Variants in MAN2A1 observed in about 807,000 individuals in gnomAD.
MAN2A1 encodes the protein alpha-mannosidase 2.
MAN2A1 carries 76 observed loss-of-function variants against 142.6 expected under a neutral mutation model. The ratio of observed to expected loss-of-function variants is 0.53; its 90% CI spans 0.44 to 0.65. MAN2A1 has a LOEUF of 0.65. MAN2A1 is among the 30% of genes least tolerant of loss of function. The pLI, the probability that MAN2A1 is intolerant of heterozygous loss-of-function variation, is 0.00. For missense variants in MAN2A1, 1,311 were observed against 1,365.1 expected (o/e 0.96, Z 0.62); for synonymous variants, 559 against 473.2 (o/e 1.18, Z -2.35).
At position 109,690,336 on chromosome 5, in the gene MAN2A1, C is replaced by T. The variant is rs1750628157; in HGVS notation, c.-82C>T. On this transcript the variant is annotated 5_prime_UTR_variant, in exon 1 of 22. Transcript: ENST00000261483. ...CGCGCAGCCCGGGAGAAGGGAGCCTCCGGCGGCTGCTTCCTAGAGTCCACA... is the reference window on the plus strand; with the variant it reads ...CGCGCAGCCCGGGAGAAGGGAGCCTTCGGCGGCTGCTTCCTAGAGTCCACA... The T allele has an allele frequency of 1.5e-5, 22 of 1,496,866 alleles. No individual in the cohort carries two copies. The highest frequency in any genetic ancestry group is 2.0e-5 in the Non-Finnish European group (22 of 1,077,000). The allele number at this position is 1,496,866 out of a possible 1,614,324, so 92.7% of individuals were successfully genotyped here.
chr5:109,715,719 C>G (rs1751434512), intron 2 of MAN2A1, among the ~76,000 whole-genome samples: 1 of 151,942 alleles, frequency 6.6e-6, no homozygotes, highest in African/African-American at 2.4e-5. Flanking sequence ...AAAGATAGCA[C>G]AAAGTAAAAT....
At chr5:109,702,381 G>C (rs369965122) in intron 1 of MAN2A1, among the ~76,000 whole-genome samples, 2 of 151,290 alleles carry the variant, frequency 1.3e-5, no homozygotes, top group Admixed American at 1.3e-4. Flanking sequence ...TGGGCAGCCC[G>C]GTGGTGGAGA....
At chr5:109,861,479 CT>C (rs199822650) in intron 20 of MAN2A1, among the ~76,000 whole-genome samples, 1,612 of 152,272 alleles carry the variant, frequency 0.011, 30 homozygotes, top group African/African-American at 0.037. Context: ...CAACTTAATA[CT>C]TTGTTAATAA....
intron 1 of MAN2A1, among the ~76,000 whole-genome samples, chr5:109,698,954 T>C (rs1750893896): frequency 6.6e-6 from 1 of 152,184 alleles, no homozygotes; most frequent in South Asian, 2.1e-4. Context: ...AATATATGCA[T>C]ATACCTCTGT....
intron 12 of MAN2A1, among the ~76,000 whole-genome samples, chr5:109,814,215 T>A (rs1014118835): frequency 1.1e-4 from 17 of 152,206 alleles, no homozygotes; most frequent in African/African-American, 3.9e-4. Context: ...CTTTTGTTAA[T>A]GTGGATCAAA....
chr5:109,779,415 A>G (rs1753385308), intron 8 of MAN2A1, among the ~76,000 whole-genome samples: 1 of 152,178 alleles, frequency 6.6e-6, no homozygotes, highest in Non-Finnish European at 1.5e-5. Context: ...GAGGAAAGTG[A>G]GACTCAGAAA....
intron 4 of MAN2A1, among the ~76,000 whole-genome samples, chr5:109,746,235 A>G (rs1385336113): frequency 6.6e-6 from 1 of 152,210 alleles, no homozygotes; most frequent in Non-Finnish European, 1.5e-5. Context: ...TTGGCTTCCC[A>G]AAGTGCTGAG....
chr5:109,745,621 A>T (rs1752379369), intron 4 of MAN2A1, among the ~76,000 whole-genome samples: 1 of 152,118 alleles, frequency 6.6e-6, no homozygotes, highest in East Asian at 1.9e-4. Context: ...CTATTAAATT[A>T]AATTAATTAA....
chr5:109,732,399 T>G (rs1431211887), intron 4 of MAN2A1, among the ~76,000 whole-genome samples: 12 of 152,186 alleles, frequency 7.9e-5, no homozygotes, highest in East Asian at 1.9e-4. Context: ...GACTTTTGTT[T>G]CCATTGCTTT....
At chr5:109,727,818 A>G (rs1751787839) in intron 3 of MAN2A1, among the ~76,000 whole-genome samples, 1 of 152,174 alleles carries the variant, frequency 6.6e-6, no homozygotes, top group Non-Finnish European at 1.5e-5. Context: ...ATTCCCTGGG[A>G]ATCCAGAGGT....
rs750409833 is a variant in MAN2A1, at chr5:109,729,446, T to G, written c.640T>G (p.Ser214Ala). The G allele has an allele frequency of 4.4e-6, 7 of 1,602,918 alleles. No homozygotes were observed. The South Asian group carries it at 7.8e-5, about 18-fold the overall frequency. Residue 214 changes from serine to alanine, a missense_variant, in exon 4 of 22, where the codon TCT becomes GCT. Ser to Ala is a moderately conservative substitution (Grantham distance 99). This residue lies in a region of MAN2A1 where 409 missense variants were observed against 412.7 expected (regional missense o/e 0.99). Transcript: ENST00000261483. ...AGACTCACGGAGGAAGTTTATTTGG[T>G]CTGAGATCTCTTACCTTTCAAAGTG... is the stretch of plus-strand genomic sequence containing the variant. ...KEDSRRKFIW[S>A]EISYLSKWWD...
At chr5:109,702,358 T>TGTCTGG (rs1312448738) in intron 1 of MAN2A1, among the ~76,000 whole-genome samples, 2 of 151,530 alleles carry the variant, frequency 1.3e-5, no homozygotes, top group Non-Finnish European at 2.9e-5. Flanking sequence ...TGTGTCTGTG[T>TGTCTGG]GTGTAGGGAG....
At chr5:109,692,881 G>A (rs1750712165) in intron 1 of MAN2A1, among the ~76,000 whole-genome samples, 1 of 152,082 alleles carries the variant, frequency 6.6e-6, no homozygotes. Context: ...TTCTCATAAG[G>A]ACCATGCAGC....
At chr5:109,779,584 A>ACACACAC (rs1293213572) in intron 8 of MAN2A1, among the ~76,000 whole-genome samples, 4,779 of 50,434 alleles carry the variant, frequency 0.095, 249 homozygotes, top group African/African-American at 0.29. Context: ...CACACACACA[A>ACACACAC]ACACACACAG....
chr5:109,802,901 C>T (rs1380867539), intron 12 of MAN2A1, among the ~76,000 whole-genome samples: 1 of 151,864 alleles, frequency 6.6e-6, no homozygotes, highest in Non-Finnish European at 1.5e-5. Flanking sequence ...TTTTGCATTT[C>T]TTGCATCAGG....
At chr5:109,819,074 G>A (rs545704263) in intron 13 of MAN2A1, among the ~76,000 whole-genome samples, 1 of 152,144 alleles carries the variant, frequency 6.6e-6, no homozygotes, top group South Asian at 2.1e-4. Context: ...AGTAGCAACC[G>A]TACTTCAAGT....
At chr5:109,774,761 G>A (rs375799566) in intron 7 of MAN2A1, 27 bp from the exon 8 acceptor site, 2 of 1,573,360 alleles carry the variant, frequency 1.3e-6, no homozygotes, top group Non-Finnish European at 1.7e-6. Flanking sequence ...CATATTTGCT[G>A]TTTTTTTGTG....
intron 5 of MAN2A1, among the ~76,000 whole-genome samples, chr5:109,764,377 G>C (rs1383222167): frequency 6.6e-6 from 1 of 152,020 alleles, no homozygotes; most frequent in East Asian, 1.9e-4. Flanking sequence ...TCTTGTTCTT[G>C]CATGAAGGCA....
chr5:109,846,729 A>T (rs1755352978), intron 18 of MAN2A1, among the ~76,000 whole-genome samples: 1 of 152,196 alleles, frequency 6.6e-6, no homozygotes, highest in Non-Finnish European at 1.5e-5. Context: ...CCTTTGACAC[A>T]AGCCCACTTT....
Sources: gnomAD v4.1 joint callset for allele counts (sites outside exome capture counted in the v4.1 genomes callset) on GRCh38, gnomAD v4.1.1 for gene constraint, gnomAD v4.1.1 regional missense constraint, MANE v1.5 for transcripts, NCBI Gene and HGNC (gene_info 2026-07-23, HGNC 2026-07-21) for gene names.